The following MAPK10 variants were observed in gnomAD, a reference collection of about 807,000 sequenced individuals.
MAPK10 encodes mitogen-activated protein kinase 10.
Under a neutral mutation model 59.3 loss-of-function variants are expected in MAPK10, and 25 were observed. That is an observed-to-expected ratio of 0.42 (90% confidence interval 0.31 to 0.59). MAPK10 has a LOEUF of 0.59. Ranked by LOEUF, MAPK10 falls within the 20% of genes least tolerant of loss-of-function variation. MAPK10 has a pLI of 0.15. For synonymous variants in MAPK10, 190 were observed against 200.5 expected, an observed-to-expected ratio of 0.95 and a Z score of 0.44; for missense variants, 351 against 568.9, an observed-to-expected ratio of 0.62 and a Z score of 3.90.
chr4:86,536,923 C>A (rs1758286430), intron 1 of MAPK10, among the ~76,000 whole-genome samples: 1 of 152,072 alleles, frequency 6.6e-6, no homozygotes, highest in African/African-American at 2.4e-5. Context: ...ATAGGATAGG[C>A]ATTTGCAGCA....
At chr4:86,230,841 C>T (rs1313222898) in intron 2 of MAPK10, among the ~76,000 whole-genome samples, 1 of 152,170 alleles carries the variant, frequency 6.6e-6, no homozygotes, top group African/African-American at 2.4e-5. Context: ...TATAAAGTCT[C>T]TGCCCTTTTA....
Position 86,554,703 on chromosome 4 carries a change from T to C in MAPK10, c.-263+39207A>G, listed in dbSNP as rs1321551377. ...ATCAATCTCTCCTATAATCCATCTT[T>C]TACATTCCTAACATCATTATTTTCT... On this transcript the variant is annotated intron_variant, in intron 1 of 4. Transcript: ENST00000502302. Among the ~76,000 whole-genome samples the C allele has an allele frequency of 3.9e-5, 6 of 152,320 alleles. 1 individual carries two copies. Among genetic ancestry groups the C allele is most frequent in the Admixed American group, 1.3e-4 (2 of 15,302 alleles).
chr4:86,294,229 C>T (rs2095301175), intron 2 of MAPK10, among the ~76,000 whole-genome samples: 1 of 152,090 alleles, frequency 6.6e-6, no homozygotes, highest in South Asian at 2.1e-4. Flanking sequence ...CTTTCCTTTC[C>T]CTCTCTCACT....
At chr4:86,108,371 G>C (rs1275007975) in intron 4 of MAPK10, among the ~76,000 whole-genome samples, 1 of 152,096 alleles carries the variant, frequency 6.6e-6, no homozygotes, top group Non-Finnish European at 1.5e-5. Context: ...GTCCTGCTGG[G>C]TTTTGTCTTA....
chr4:86,343,940 A>G (rs1055731988), intron 2 of MAPK10, among the ~76,000 whole-genome samples: 1 of 152,224 alleles, frequency 6.6e-6, no homozygotes, highest in African/African-American at 2.4e-5. Context: ...TGATTTTTAA[A>G]TAAATTACAT....
intron 1 of MAPK10, among the ~76,000 whole-genome samples, chr4:86,587,437 TAATTCTTGG>T (rs1448934133): frequency 6.6e-6 from 1 of 152,214 alleles, no homozygotes; most frequent in African/African-American, 2.4e-5. Flanking sequence ...TTTCCCCAGC[TAATTCTTGG>T]TTCACTTGGA....
chr4:86,457,378 C>T (rs1751329021), upstream of MAPK10, among the ~76,000 whole-genome samples: 1 of 152,158 alleles, frequency 6.6e-6, no homozygotes, highest in Non-Finnish European at 1.5e-5. Flanking sequence ...TCACTGTTTG[C>T]TGATGATGTG....
intron 1 of MAPK10, among the ~76,000 whole-genome samples, chr4:86,383,329 A>G (rs1741020092): frequency 6.6e-6 from 1 of 152,124 alleles, no homozygotes; most frequent in African/African-American, 2.4e-5. Flanking sequence ...GACTGGGGCA[A>G]GTTTATGTCA....
chr4:86,037,073 G>C (rs1400246328), intron 11 of MAPK10, among the ~76,000 whole-genome samples: 1 of 152,058 alleles, frequency 6.6e-6, no homozygotes. Flanking sequence ...ATAAAATATG[G>C]CTGTTGGCAG....
At chr4:86,454,626 G>C (rs1751075179), upstream of MAPK10, among the ~76,000 whole-genome samples, 1 of 152,124 alleles carries the variant, frequency 6.6e-6, no homozygotes, top group African/African-American at 2.4e-5. Context: ...AAGAAGTCTG[G>C]AAGTATGTTA....
chr4:86,340,421 C>A, intron 2 of MAPK10: 2 of 152,732 alleles, frequency 1.3e-5, no homozygotes, highest in South Asian at 4.0e-4. Context: ...GAAGCAAGTT[C>A]ACCTTACCAC....
At chr4:86,540,368 C>T (rs1337901061) in intron 1 of MAPK10, among the ~76,000 whole-genome samples, 2 of 152,020 alleles carry the variant, frequency 1.3e-5, no homozygotes, top group Non-Finnish European at 2.9e-5. Context: ...GGTATGGTGT[C>T]GCACACCTGT....
intron 2 of MAPK10, among the ~76,000 whole-genome samples, chr4:86,354,101 AT>A (rs756336377): frequency 9.5e-4 from 143 of 150,374 alleles, no homozygotes; most frequent in African/African-American, 1.9e-3. Context: ...GAAGAGCTAA[AT>A]TGTGTGTGTG....
intron 2 of MAPK10, among the ~76,000 whole-genome samples, chr4:86,260,936 G>A (rs2093958888): frequency 6.6e-6 from 1 of 152,096 alleles, no homozygotes; most frequent in Non-Finnish European, 1.5e-5. Flanking sequence ...TGTCCTCAGA[G>A]GGTTTACTGT....
chr4:86,467,513 T>TTTTTTTTG (rs113497398), intron 1 of MAPK10, among the ~76,000 whole-genome samples: 3 of 150,804 alleles, frequency 2.0e-5, no homozygotes, highest in Admixed American at 6.6e-5. Context: ...AAAACAGCAT[T>TTTTTTTTG]TTTGTTTGTT....
intron 2 of MAPK10, among the ~76,000 whole-genome samples, chr4:86,267,144 A>AAAAT (rs148348887): frequency 0.02 from 3,037 of 152,316 alleles, 92 homozygotes; most frequent in African/African-American, 0.068. Context: ...TAATGGCTAC[A>AAAAT]AAATAAATAC....
At chr4:86,103,107 G>GTGTGTGTA (rs1353857109) in intron 6 of MAPK10, 79 bp downstream of exon 6, 2 of 802,062 alleles carry the variant, frequency 2.5e-6, no homozygotes, top group Non-Finnish European at 4.4e-6. Context: ...GTGTGTGTGT[G>GTGTGTGTA]TGTGTGTGTG....
intron 1 of MAPK10, among the ~76,000 whole-genome samples, chr4:86,398,808 T>A (rs925811269): frequency 6.6e-6 from 1 of 152,162 alleles, no homozygotes; most frequent in African/African-American, 2.4e-5. Context: ...CATCTTTATG[T>A]CTATAAGTAC....
At chr4:86,351,390 TACACAAACAC>T (rs1454312593) in intron 2 of MAPK10, among the ~76,000 whole-genome samples, 256 of 110,402 alleles carry the variant, frequency 2.3e-3, no homozygotes, top group South Asian at 6.2e-3. Flanking sequence ...ACAGTGTGTA[TACACAAACAC>T]ACACACACAC....
Sources: allele counts gnomAD v4.1 joint callset (sites outside exome capture counted in the v4.1 genomes callset), GRCh38; gene constraint gnomAD v4.1.1; transcripts MANE v1.5; gene names NCBI Gene and HGNC (gene_info 2026-07-23, HGNC 2026-07-21).